The following SRBD1 variants were observed in gnomAD, a reference collection of about 807,000 sequenced individuals.
The protein encoded by SRBD1 is S1 RNA-binding domain-containing protein 1.
Under a neutral mutation model 115.3 loss-of-function variants are expected in SRBD1, and 88 were observed. That is an observed-to-expected ratio of 0.76 (90% CI 0.64 to 0.91). The LOEUF (loss-of-function observed/expected upper bound fraction) is 0.91. Among genes scored for constraint, SRBD1 ranks in the 40% least tolerant of loss-of-function variants. SRBD1 has a pLI of 0.00. For synonymous variants in SRBD1, 509 were observed against 407.7 expected (o/e 1.25, Z -2.99); for missense variants, 1,385 against 1,177.4 (o/e 1.18, Z -2.58).
chr2:45,565,843 C>T (rs1478295399), intron 9 of SRBD1, among the ~76,000 whole-genome samples: 1 of 152,218 alleles, frequency 6.6e-6, no homozygotes, highest in Non-Finnish European at 1.5e-5. Flanking sequence ...CCAGGCTGGT[C>T]TCGAACTCCT....
chr2:45,433,311 T>C (rs1668393961), intron 16 of SRBD1, among the ~76,000 whole-genome samples: 1 of 152,178 alleles, frequency 6.6e-6, no homozygotes, highest in African/African-American at 2.4e-5. Flanking sequence ...TGTGAGGTAA[T>C]ACATTTGTTA....
intron 14 of SRBD1, chr2:45,546,469 T>C: frequency 5.2e-6 from 3 of 575,944 alleles, no homozygotes; most frequent in Non-Finnish European, 6.6e-6. Context: ...ATGTATAGCC[T>C]AGAAAATCCA....
intron 14 of SRBD1, among the ~76,000 whole-genome samples, chr2:45,523,609 G>A (rs1426577765): frequency 6.6e-6 from 1 of 151,402 alleles, no homozygotes; most frequent in Non-Finnish European, 1.5e-5. Context: ...ACAAATTACT[G>A]GAAAGACACA....
chr2:45,400,322 C>A (rs1346165586), intron 19 of SRBD1, among the ~76,000 whole-genome samples: 2 of 151,954 alleles, frequency 1.3e-5, no homozygotes, highest in East Asian at 3.9e-4. Flanking sequence ...AGGCTCCAGA[C>A]TGAGTGGTCT....
intron 19 of SRBD1, among the ~76,000 whole-genome samples, chr2:45,403,815 T>C (rs576701270): frequency 1.4e-4 from 22 of 152,174 alleles, no homozygotes; most frequent in Non-Finnish European, 3.1e-4. Flanking sequence ...TTATTTTTCT[T>C]GCTTTTATCC....
At chr2:45,449,940 T>C (rs896362290) in intron 16 of SRBD1, among the ~76,000 whole-genome samples, 1 of 152,174 alleles carries the variant, frequency 6.6e-6, no homozygotes, top group African/African-American at 2.4e-5. Flanking sequence ...ATAGTCATTG[T>C]ATGTCACAGC....
At chr2:45,532,022 A>G (rs1671628716) in intron 14 of SRBD1, among the ~76,000 whole-genome samples, 1 of 151,474 alleles carries the variant, frequency 6.6e-6, no homozygotes, top group Admixed American at 6.6e-5. Context: ...CCTCTTAATC[A>G]TAAGCACTGT....
chr2:45,468,933 T>C (rs1427467346), intron 16 of SRBD1, among the ~76,000 whole-genome samples: 1 of 152,214 alleles, frequency 6.6e-6, no homozygotes, highest in Non-Finnish European at 1.5e-5. Flanking sequence ...GAAGGGTTTA[T>C]GGCTTTAGCA....
At chr2:45,579,798 C>T (rs1673288543) in intron 7 of SRBD1, 77 bp downstream of exon 7, 1 of 1,422,554 alleles carries the variant, frequency 7.0e-7, no homozygotes, top group Admixed American at 2.6e-5. Flanking sequence ...CTTAACAAAA[C>T]AGTTTTTTAA....
At chr2:45,433,420 T>C (rs1668396958) in intron 16 of SRBD1, among the ~76,000 whole-genome samples, 1 of 151,456 alleles carries the variant, frequency 6.6e-6, no homozygotes, top group Non-Finnish European at 1.5e-5. Context: ...TTAAAAAAAA[T>C]AAATTTAAGC....
rs114162217 is a variant in SRBD1 at position 45,440,609 on chromosome 2, T to C, written c.2050-20715A>G. On this transcript the variant is annotated intron_variant, in intron 16 of 20. Transcript: ENST00000263736. The stretch of plus-strand genomic sequence containing the variant: ...ATTAGCTACACATTTTGACCTGACA[T>C]AATACAAAGGAGTTGACATTTCCAC... Among the ~76,000 whole-genome samples, 469 of 152,332 alleles carry C rather than the reference T, an allele frequency of 3.1e-3. 1 individual carries two copies. Among genetic ancestry groups the C allele is most frequent in the African/African-American group, 0.011 (440 of 41,562 alleles).
chr2:45,593,094 A>G (rs1673775830), intron 4 of SRBD1, among the ~76,000 whole-genome samples: 1 of 152,178 alleles, frequency 6.6e-6, no homozygotes, highest in African/African-American at 2.4e-5. Context: ...AAGGGGAAAA[A>G]AGGCACTCTC....
At chr2:45,437,520 A>G (rs1002881514) in intron 16 of SRBD1, among the ~76,000 whole-genome samples, 26 of 152,212 alleles carry the variant, frequency 1.7e-4, no homozygotes, top group Admixed American at 1.7e-3. Flanking sequence ...TCAACTTGCA[A>G]AATAATGAAT....
intron 14 of SRBD1, among the ~76,000 whole-genome samples, chr2:45,509,294 G>A (rs1012739775): frequency 5.3e-5 from 8 of 152,064 alleles, no homozygotes; most frequent in South Asian, 2.1e-4. Flanking sequence ...AAAATTTTAC[G>A]TATTAGAAAC....
rs56909656 is a variant in SRBD1, at chr2:45,545,283, T to TAA, written c.1874+1447_1874+1448dup. Among the ~76,000 whole-genome samples the TAA allele has an allele frequency of 6.1e-3, 420 of 68,550 alleles. 31 individuals are homozygous for TAA. The highest frequency in any genetic ancestry group is 0.022 in the African/African-American group (332 of 14,758). The allele number at this position is 68,550 out of a possible 152,430, so 45.0% of individuals were successfully genotyped here. ...TGACAGAGCGAGACTCTGTCTCAAT[T>TAA]AAAAAAAAAAAAAAAAAAAAAAAAA... On this transcript the variant is annotated intron_variant, in intron 14 of 20. Coordinates refer to ENST00000263736, the MANE Select transcript of SRBD1 (RefSeq NM_018079.5).
At chr2:45,392,856 G>T in intron 20 of SRBD1, 89 bp downstream of exon 20, 1 of 1,194,166 alleles carries the variant, frequency 8.4e-7, no homozygotes. Context: ...TATCCATTCT[G>T]CTTATGGCAT....
intron 14 of SRBD1, among the ~76,000 whole-genome samples, chr2:45,542,594 G>A (rs1243952593): frequency 6.6e-6 from 1 of 152,182 alleles, no homozygotes; most frequent in Admixed American, 6.5e-5. Flanking sequence ...CATTGTTGGT[G>A]GGAAAGTAAG....
At chr2:45,417,407 C>G (rs1378080579) in intron 18 of SRBD1, among the ~76,000 whole-genome samples, 1 of 152,098 alleles carries the variant, frequency 6.6e-6, no homozygotes, top group African/African-American at 2.4e-5. Context: ...AAATTCTAAC[C>G]ATGTTTTGGT....
At chr2:45,435,886 G>T (rs1227498416) in intron 16 of SRBD1, among the ~76,000 whole-genome samples, 5 of 152,154 alleles carry the variant, frequency 3.3e-5, no homozygotes, top group Non-Finnish European at 7.3e-5. Context: ...AATAGAAGCG[G>T]AGGGAATACT....
Sources: allele counts gnomAD v4.1 joint callset (sites outside exome capture counted in the v4.1 genomes callset), GRCh38; gene constraint gnomAD v4.1.1; transcripts MANE v1.5; gene names NCBI Gene and HGNC (gene_info 2026-07-23, HGNC 2026-07-21).